ASMTL: variants seen among roughly 807,000 people sequenced by gnomAD.
ASMTL encodes the protein probable bifunctional dTTP/UTP pyrophosphatase/methyltransferase protein.
In ASMTL, 57 loss-of-function variants were observed where a neutral mutation model predicts 60.3. That is an observed-to-expected ratio of 0.95 (90% CI 0.76 to 1.18). The LOEUF (loss-of-function observed/expected upper bound fraction) is 1.18. Among genes scored for constraint, ASMTL ranks in the 50% most tolerant of loss-of-function variants. The pLI, the probability that ASMTL is intolerant of heterozygous loss-of-function variation, is 0.00. For missense variants in ASMTL, 981 were observed against 852.6 expected (o/e 1.15, Z -1.88); for synonymous variants, 419 against 373.0 (o/e 1.12, Z -1.42).
At chrX:1,446,924 C>T (rs1444188231) in intron 1 of ASMTL, among the ~76,000 whole-genome samples, 5 of 152,170 alleles carry the variant, frequency 3.3e-5, no homozygotes, top group African/African-American at 4.8e-5. Flanking sequence ...TTCTTTTCTA[C>T]GGTTTGAATT....
intron 2 of ASMTL, among the ~76,000 whole-genome samples, chrX:1,440,089 CTTTT>C (rs1191286971): frequency 8.3e-6 from 1 of 120,294 alleles, no homozygotes. Flanking sequence ...TTCTTTCTTT[CTTTT>C]TTTTTTTTTT....
At chrX:1,433,708 G>A (rs770471791) in intron 5 of ASMTL, among the ~76,000 whole-genome samples, 4 of 151,922 alleles carry the variant, frequency 2.6e-5, no homozygotes, top group South Asian at 2.1e-4. Flanking sequence ...AGACCCAGAA[G>A]GACAGGGTTC....
upstream of ASMTL, among the ~76,000 whole-genome samples, chrX:1,453,326 GCCCAGGCCACA>G (rs1167081794): frequency 6.7e-6 from 1 of 150,114 alleles, no homozygotes; most frequent in Non-Finnish European, 1.5e-5. Flanking sequence ...GTGAGGCCAC[GCCCAGGCCACA>G]CCCCCGCCCG....
chrX:1,411,246 A>AG (rs60489052), intron 12 of ASMTL, among the ~76,000 whole-genome samples: 4 of 148,422 alleles, frequency 2.7e-5, no homozygotes, highest in Non-Finnish European at 6.0e-5. Context: ...AGAGGGAGAG[A>AG]AGAATGGAAG....
At chrX:1,419,322 A>G (rs1472137198) in intron 9 of ASMTL, among the ~76,000 whole-genome samples, 2 of 152,110 alleles carry the variant, frequency 1.3e-5, no homozygotes, top group Non-Finnish European at 2.9e-5. Context: ...AGGACCCCAA[A>G]GTGGTGGACG....
intron 8 of ASMTL, among the ~76,000 whole-genome samples, chrX:1,422,377 A>AG (rs2090504514): frequency 6.6e-6 from 1 of 152,210 alleles, no homozygotes; most frequent in Non-Finnish European, 1.5e-5. Flanking sequence ...CTGAGCTTCC[A>AG]GCCTCCTGGC....
intron 1 of ASMTL, among the ~76,000 whole-genome samples, chrX:1,450,589 G>A (rs2091339333): frequency 7.5e-6 from 1 of 132,854 alleles, no homozygotes; most frequent in Non-Finnish European, 1.6e-5. Flanking sequence ...AGGGGCTCTG[G>A]GTCACTCTCC....
Position 1,404,155 on chromosome X carries a change from G to C in ASMTL, c.1646-666C>G, listed in dbSNP as rs868252629. Among the ~76,000 whole-genome samples the C allele has an allele frequency of 8.8e-4, 132 of 150,634 alleles. 1 individual carries two copies. Among genetic ancestry groups the C allele is most frequent in the African/African-American group, 3.1e-3 (126 of 40,354 alleles). The stretch of plus-strand genomic sequence containing the variant: ...ATGGTTGGGTGAATAGATGGTAGAT[G>C]ATGGGTACGTAGGTAGATGGATGGA... On this transcript the variant is annotated intron_variant, in intron 12 of 12. Coordinates refer to ENST00000381317, the MANE Select transcript of ASMTL (RefSeq NM_004192.4).
intron 9 of ASMTL, among the ~76,000 whole-genome samples, chrX:1,420,765 GCATT>G (rs1171091132): frequency 6.6e-6 from 1 of 152,160 alleles, no homozygotes; most frequent in Non-Finnish European, 1.5e-5. Flanking sequence ...AAGAAACAGG[GCATT>G]CATTTAAGGC....
At chrX:1,435,183 T>C in intron 4 of ASMTL, 100 bp from the exon 5 acceptor site, 3 of 1,242,698 alleles carry the variant, frequency 2.4e-6, no homozygotes, top group Non-Finnish European at 3.5e-6. Context: ...GCGTCCTTAA[T>C]CCTGGATCCG....
chrX:1,411,347 A>G (rs1425504144), intron 12 of ASMTL, among the ~76,000 whole-genome samples: 5 of 152,158 alleles, frequency 3.3e-5, no homozygotes, highest in Admixed American at 3.3e-4. Flanking sequence ...GTTGTCTGCA[A>G]ATATTCCAGG....
chrX:1,422,781 T>C (rs1603451012), intron 8 of ASMTL, among the ~76,000 whole-genome samples: 1 of 152,126 alleles, frequency 6.6e-6, no homozygotes, highest in Non-Finnish European at 1.5e-5. Context: ...ACATTTATTT[T>C]CATCATGAAT....
intron 11 of ASMTL, chrX:1,413,116 A>C (rs535839787): frequency 1.0e-5 from 5 of 476,396 alleles, no homozygotes; most frequent in African/African-American, 3.8e-5. Context: ...TAATCTCAGC[A>C]TTTTGGGAGC....
rs1252740198 is a variant in ASMTL at position 1,403,197 on chromosome X, G to A, written c.*72C>T. On this transcript the variant is annotated 3_prime_UTR_variant, in exon 13 of 13. Coordinates refer to ENST00000381317, the MANE Select transcript of ASMTL (RefSeq NM_004192.4). ...CACGCTCCTATGTGACTGTCCTATG[G>A]TACTTGGGGACCGGGCGGTCCACCT... 2.4e-6 allele frequency: 3 copies of A among 1,265,308 alleles called. No individual in the cohort carries two copies. The African/African-American group carries it at 4.4e-5, about 19-fold the overall frequency. The allele number at this position is 1,265,308 out of a possible 1,614,324, so 78.4% of individuals were successfully genotyped here. A position where few individuals can be genotyped will look rare whatever the true frequency, so the allele number is the denominator to read the frequency against.
intron 3 of ASMTL, among the ~76,000 whole-genome samples, chrX:1,437,903 A>C (rs1188084545): frequency 2.6e-5 from 4 of 151,758 alleles, no homozygotes; most frequent in African/African-American, 9.7e-5. Context: ...CTCAAAAAAA[A>C]AAAAAAGGAG....
At position 1,403,293 on chromosome X, in the gene ASMTL, G is replaced by A; in HGVS notation, c.1842C>T (p.Ile614=). The A allele has an allele frequency of 6.2e-7, 1 of 1,613,022 alleles. No homozygotes were observed. The highest frequency in any genetic ancestry group is 8.5e-7 in the Non-Finnish European group (1 of 1,179,842). Reference sequence around the variant, plus strand: ...TTCAGGGGGCCACTTTGGTGGCCAAGATGGCATCCAGGACACCCCCCAAGT... The same window carrying A: ...TTCAGGGGGCCACTTTGGTGGCCAAAATGGCATCCAGGACACCCCCCAAGT... ...VVHLGGVLDA[I]LATKVAP is the part of the protein sequence containing the mutation. The change falls in exon 13 of 13, where the codon ATC becomes ATT. Residue 614 remains isoleucine (I), a synonymous_variant. Transcript: ENST00000381317.
intron 1 of ASMTL, among the ~76,000 whole-genome samples, chrX:1,449,721 CACCA>C (rs2091308749): frequency 5.5e-5 from 8 of 144,976 alleles, no homozygotes; most frequent in African/African-American, 1.9e-4. Context: ...AGTAACTATC[CACCA>C]TCACCAGTAA....
intron 1 of ASMTL, among the ~76,000 whole-genome samples, chrX:1,452,465 C>T (rs1350228053): frequency 6.6e-6 from 1 of 150,610 alleles, no homozygotes. Flanking sequence ...TCCTAGGGGT[C>T]CCGGGTTACG....
rs758839388 is a variant in ASMTL at position 1,412,718 on chromosome X, C to T, written c.1645+14G>A. 5.6e-6 allele frequency: 9 copies of T among 1,613,966 alleles called. No individual in the cohort carries two copies. The highest frequency in any genetic ancestry group is 2.2e-5 in the East Asian group (1 of 44,886). On this transcript the variant is annotated intron_variant, in intron 12 of 12. Transcript: ENST00000381317. ...GTCTTAACAAAAACAGCTAACCTGA[C>T]GATGGGCTCTCACCTGGCTTGCAGC...
Sources: gnomAD v4.1 joint callset for allele counts (sites outside exome capture counted in the v4.1 genomes callset) on GRCh38, gnomAD v4.1.1 for gene constraint, MANE v1.5 for transcripts, NCBI Gene and HGNC (gene_info 2026-07-23, HGNC 2026-07-21) for gene names.